The following CTNNA3 variants were observed in gnomAD, a reference collection of about 807,000 sequenced individuals.
The protein encoded by CTNNA3 is catenin alpha 3.
In CTNNA3, 76 loss-of-function variants were observed where a neutral mutation model predicts 95.7. That is an observed-to-expected ratio of 0.79 (90% CI 0.66 to 0.96). The LOEUF (loss-of-function observed/expected upper bound fraction) is 0.96, where lower values mean the gene tolerates loss of function less well. Among genes scored for constraint, CTNNA3 ranks in the 40% least tolerant of loss-of-function variants. The pLI, the probability that CTNNA3 is intolerant of heterozygous loss-of-function variation, is 0.00. For synonymous variants in CTNNA3, 431 were observed against 374.4 expected (o/e 1.15, Z -1.74); for missense variants, 1,191 against 1,089.8 (o/e 1.09, Z -1.31).
intron 1 of CTNNA3, among the ~76,000 whole-genome samples, chr10:67,687,651 C>T (rs908224831): frequency 3.9e-5 from 6 of 152,138 alleles, no homozygotes; most frequent in African/African-American, 1.4e-4. Flanking sequence ...TTGGAGCTTT[C>T]TCCTGATATC....
chr10:66,887,828 T>C (rs1434938746), intron 7 of CTNNA3, among the ~76,000 whole-genome samples: 3 of 152,014 alleles, frequency 2.0e-5, no homozygotes. Context: ...TTCTCTGAGG[T>C]AGTGGAGTGC....
intron 1 of CTNNA3, among the ~76,000 whole-genome samples, chr10:67,736,990 G>A (rs994179431): frequency 4.0e-5 from 6 of 151,672 alleles, no homozygotes; most frequent in Admixed American, 6.6e-5. Context: ...GGGGGACAGC[G>A]TCTCACACTG....
intron 11 of CTNNA3, among the ~76,000 whole-genome samples, chr10:66,454,501 C>T (rs7901478): frequency 0.41 from 62,583 of 151,776 alleles, 13,962 homozygotes; most frequent in East Asian, 0.6. Context: ...AAGAACCAAA[C>T]ACTTTAAAGA....
intron 15 of CTNNA3, among the ~76,000 whole-genome samples, chr10:66,059,078 A>AC (rs1188756880): frequency 1.9e-5 from 2 of 106,258 alleles, no homozygotes; most frequent in Non-Finnish European, 4.5e-5. Context: ...ATTAACAAAG[A>AC]GGTTTTCAGC....
chr10:67,507,731 A>G (rs933593170), intron 5 of CTNNA3, among the ~76,000 whole-genome samples: 2 of 152,180 alleles, frequency 1.3e-5, no homozygotes, highest in African/African-American at 4.8e-5. Flanking sequence ...TATGAGGCCA[A>G]CATTACCTGA....
At chr10:66,650,675 C>T (rs1267002165) in intron 9 of CTNNA3, among the ~76,000 whole-genome samples, 1 of 152,134 alleles carries the variant, frequency 6.6e-6, no homozygotes, top group African/African-American at 2.4e-5. Context: ...GTCTCGCTGG[C>T]TTCAGGAATG....
chr10:66,149,405 C>T (rs2084071887), intron 13 of CTNNA3, among the ~76,000 whole-genome samples: 1 of 150,864 alleles, frequency 6.6e-6, no homozygotes, highest in Admixed American at 6.6e-5. Flanking sequence ...AAGTAGCTGT[C>T]AGTTTTTTGT....
chr10:67,402,773 T>C (rs1844970940), intron 5 of CTNNA3, among the ~76,000 whole-genome samples: 1 of 152,118 alleles, frequency 6.6e-6, no homozygotes, highest in African/African-American at 2.4e-5. Flanking sequence ...TACACAGAGC[T>C]GTGTGGAGTC....
intron 11 of CTNNA3, among the ~76,000 whole-genome samples, chr10:66,440,579 C>T (rs549997713): frequency 2.0e-5 from 3 of 152,212 alleles, no homozygotes; most frequent in South Asian, 4.1e-4. Context: ...TCTTTAGTGA[C>T]TTTTGTAACT....
intron 7 of CTNNA3, among the ~76,000 whole-genome samples, chr10:67,041,096 C>T (rs1854363266): frequency 1.3e-5 from 2 of 151,954 alleles, no homozygotes; most frequent in African/African-American, 2.4e-5. Context: ...TTATTTGGTC[C>T]ATAGAGATGC....
intron 12 of CTNNA3, among the ~76,000 whole-genome samples, chr10:66,291,565 G>A (rs1367992241): frequency 6.6e-6 from 1 of 152,068 alleles, no homozygotes; most frequent in Non-Finnish European, 1.5e-5. Context: ...CTGAGAAGAG[G>A]GAAGGTGATG....
intron 5 of CTNNA3, among the ~76,000 whole-genome samples, chr10:67,366,645 GA>G (rs1007776419): frequency 5.1e-4 from 71 of 138,352 alleles, no homozygotes; most frequent in Middle Eastern, 3.7e-3. Context: ...TCGTCCAAAG[GA>G]AAAAAAAAAA....
intron 10 of CTNNA3, among the ~76,000 whole-genome samples, chr10:66,541,812 T>A (rs1841861770): frequency 6.6e-6 from 1 of 152,150 alleles, no homozygotes; most frequent in African/African-American, 2.4e-5. Context: ...TTTATACTAT[T>A]AAATAGCTGT....
intron 15 of CTNNA3, among the ~76,000 whole-genome samples, chr10:65,991,864 A>G (rs1270809233): frequency 6.6e-6 from 1 of 152,084 alleles, no homozygotes; most frequent in Non-Finnish European, 1.5e-5. Context: ...TGTTCCAATC[A>G]GTATGATGTT....
intron 13 of CTNNA3, among the ~76,000 whole-genome samples, chr10:66,109,232 A>T (rs1002049058): frequency 6.6e-6 from 1 of 152,166 alleles, no homozygotes; most frequent in Non-Finnish European, 1.5e-5. Context: ...ATTGGCAACC[A>T]GTGTGGGTAA....
At chr10:67,199,340 A>G (rs958746228) in intron 6 of CTNNA3, among the ~76,000 whole-genome samples, 7 of 122,256 alleles carry the variant, frequency 5.7e-5, no homozygotes, top group African/African-American at 3.8e-4. Context: ...TTAAATGGCT[A>G]CAAGTTTTTT....
intron 16 of CTNNA3, among the ~76,000 whole-genome samples, chr10:65,980,151 T>C (rs971567644): frequency 1.3e-5 from 2 of 151,924 alleles, no homozygotes; most frequent in African/African-American, 2.4e-5. Context: ...ATATTACTAC[T>C]GATACCACAG....
At chr10:66,558,206 A>G (rs1486775252) in intron 10 of CTNNA3, among the ~76,000 whole-genome samples, 2 of 152,160 alleles carry the variant, frequency 1.3e-5, no homozygotes, top group East Asian at 3.9e-4. Flanking sequence ...TTGACCTCCC[A>G]GATCCTGCTG....
At chr10:66,677,621 A>T (rs1021007788) in intron 9 of CTNNA3, among the ~76,000 whole-genome samples, 1 of 152,000 alleles carries the variant, frequency 6.6e-6, no homozygotes, top group African/African-American at 2.4e-5. Context: ...ATGAGATTTG[A>T]TGGTTTTATA....
Sources: gnomAD v4.1 joint callset for allele counts (sites outside exome capture counted in the v4.1 genomes callset) on GRCh38, gnomAD v4.1.1 for gene constraint, MANE v1.5 for transcripts, NCBI Gene and HGNC (gene_info 2026-07-23, HGNC 2026-07-21) for gene names.